The following TTN variants were observed in gnomAD, a reference collection of about 807,000 sequenced individuals.
The protein encoded by TTN is connectin.
A neutral mutation model predicts 3,223.0 loss-of-function variants in TTN; 1,525 were observed. That is an observed-to-expected ratio of 0.47 (90% CI 0.45 to 0.49). TTN has a LOEUF of 0.49. TTN is among the 20% of genes least tolerant of loss of function. The probability of loss-of-function intolerance (pLI) is 0.00; values close to 1 mark genes in which losing one functional copy is unlikely to be tolerated. For synonymous variants in TTN, 14,094 were observed against 15,161.0 expected (o/e 0.93, Z 5.17); for missense variants, 40,786 against 43,424.0 (o/e 0.94, Z 5.40).
chr2:178,795,361 G>C (rs1344105410), intron 6 of TTN, 109 bp from the exon 7 acceptor site: 5 of 1,002,582 alleles, frequency 5.0e-6, no homozygotes, highest in African/African-American at 1.6e-5. Flanking sequence ...TTTAAAATGT[G>C]TGCCTCCATA....
chr2:178,643,886 G>C (rs973318793), intron 218 of TTN, among the ~76,000 whole-genome samples: 9 of 151,818 alleles, frequency 5.9e-5, no homozygotes, highest in African/African-American at 2.2e-4. Flanking sequence ...GAAAAATTAT[G>C]TTTATTTTTG....
Position 178,704,204 on chromosome 2 carries a change from C to T in TTN, c.30166G>A (p.Gly10056Ser), listed in dbSNP as rs794729401. Residue 10056 changes from glycine to serine, a missense_variant, in exon 106 of 363, where the codon GGT becomes AGT. Coordinates refer to ENST00000589042, the MANE Select transcript of TTN (RefSeq NM_001267550.2). ...TIADVRAEDQ[G>S]QYTCKYEDLE... Reference sequence around the variant, plus strand: ...TCTTCATATTTGCAGGTGTACTGACCCTGGTCTTCTGCTCGAACATCTGCA... The same window carrying T: ...TCTTCATATTTGCAGGTGTACTGACTCTGGTCTTCTGCTCGAACATCTGCA... 6.2e-7 allele frequency: 1 copy of T among 1,613,946 alleles called. No individual in the cohort carries two copies. The highest frequency in any genetic ancestry group is 2.2e-5 in the East Asian group (1 of 44,880).
intron 288 of TTN, 144 bp downstream of exon 288, chr2:178,600,710 A>G: frequency 1.1e-6 from 1 of 914,702 alleles, no homozygotes; most frequent in Non-Finnish European, 1.8e-6. Context: ...AGGAATGAGT[A>G]ATTAAGTAAT....
rs376133574 is a variant in TTN, at chr2:178,784,351, C to G, written c.2494G>C (p.Ala832Pro). The G allele has an allele frequency of 2.5e-6, 4 of 1,613,968 alleles. No individual in the cohort carries two copies. The highest frequency in any genetic ancestry group is 1.1e-5 in the South Asian group (1 of 91,080). ...GCAATAGCACTACCGGCTATTGATG[C>G]CTACATGGAAACAGAGTCAGAAAAT... ...SVPKTEHGYE[A>P]SIAGSAIATL... Residue 832 changes from alanine to proline, a missense_variant and splice_region_variant, in exon 16 of 363, where the codon GCA becomes CCA. Ala to Pro is a conservative substitution (Grantham distance 27). Coordinates refer to ENST00000589042, the MANE Select transcript of TTN (RefSeq NM_001267550.2).
In TTN at chr2:178,557,119, A is replaced by C; in HGVS notation, c.88035T>G (p.Thr29345=). The change falls in exon 330 of 363, where the codon ACT becomes ACG. Residue 29345 remains threonine (T), a synonymous_variant. Transcript: ENST00000589042. ...ACEPPRNVRI[T]DISKNSVSLS... is the part of the protein sequence containing the mutation. ...GGCTGACAGAGTTCTTTGAAATATC[A>C]GTGATACGAACATTTCTTGGGGGTT... 1.2e-6 allele frequency: 2 copies of C among 1,613,632 alleles called. No homozygotes were observed. Among genetic ancestry groups the C allele is most frequent in the Non-Finnish European group, 1.7e-6 (2 of 1,179,744 alleles).
intron 47 of TTN, chr2:178,748,957 T>G (rs776161581): frequency 6.2e-7 from 1 of 1,612,460 alleles, no homozygotes; most frequent in African/African-American, 1.3e-5. Flanking sequence ...GATTAACAAT[T>G]GATGTTCTGG....
rs2058028450 is a variant in TTN, at chr2:178,620,002, C to G, written c.46415G>C (p.Arg15472Thr). The change falls in exon 249 of 363, where the codon AGA (arginine) becomes ACA (threonine). Residue 15472 changes from arginine to threonine, a missense_variant. By Grantham distance (71) the Arg-to-Thr change is moderately conservative (BLOSUM62 -1). Transcript: ENST00000589042. Reference protein sequence around the residue: ...CGVEDRKSRARLFVEEIPVEI... With the variant: ...CGVEDRKSRATLFVEEIPVEI... ...TTAATATGTACCTTCCACAAAAAGT[C>G]TAGCACGAGACTTCCTGTCTTCTAC... The G allele has an allele frequency of 5.6e-6, 9 of 1,610,150 alleles. No homozygotes were observed. In the African/African-American group the frequency reaches 6.7e-5, roughly 12 times the overall value.
intron 30 of TTN, 21 bp from the exon 31 acceptor site, chr2:178,774,131 A>G: frequency 6.2e-7 from 1 of 1,614,056 alleles, no homozygotes; most frequent in Admixed American, 1.7e-5. Context: ...TGGGGAGAAA[A>G]AGAATGTTAT....
chr2:178,734,296 A>G, intron 52 of TTN, 32 bp downstream of exon 52: 1 of 1,529,750 alleles, frequency 6.5e-7, no homozygotes, highest in Non-Finnish European at 8.7e-7. Flanking sequence ...TTGACAATTT[A>G]TTAAAGAGAC....
At chr2:178,603,400 TTC>T (rs1167593267) in intron 282 of TTN, among the ~76,000 whole-genome samples, 1 of 152,026 alleles carries the variant, frequency 6.6e-6, no homozygotes, top group Non-Finnish European at 1.5e-5. Flanking sequence ...AGAAGAATTT[TTC>T]TCTCTTATTT....
rs1415252331 is a variant in TTN at position 178,613,873 on chromosome 2, T to C, written c.49410A>G (p.Thr16470=). The change falls in exon 263 of 363, where the codon ACA becomes ACG. Residue 16470 remains threonine, a synonymous_variant. Coordinates refer to ENST00000589042, the MANE Select transcript of TTN (RefSeq NM_001267550.2). ...SDITKDAVTL[T]WCEPDDDGGS... is the part of the protein sequence containing the mutation. The stretch of plus-strand genomic sequence containing the variant: ...CACCATCATCATCTGGCTCACACCA[T>C]GTGAGAGTCACTGCGTCTTTAGTGA... 2 of 1,611,608 alleles carry C rather than the reference T, an allele frequency of 1.2e-6. No individual in the cohort carries two copies. The highest frequency in any genetic ancestry group is 1.7e-6 in the Non-Finnish European group (2 of 1,178,790).
intron 344 of TTN, among the ~76,000 whole-genome samples, 191 bp downstream of exon 344, chr2:178,545,197 A>G (rs1035575445): frequency 6.6e-6 from 1 of 152,210 alleles, no homozygotes; most frequent in Non-Finnish European, 1.5e-5. Flanking sequence ...TAGCAATTCT[A>G]ATTGCTAACT....
rs1706772581 is a variant in TTN, at chr2:178,568,376, C to G, written c.77756G>C (p.Gly25919Ala). 6.2e-7 allele frequency: 1 copy of G among 1,613,050 alleles called. No individual in the cohort carries two copies. The highest frequency in any genetic ancestry group is 1.1e-5 in the South Asian group (1 of 91,070). Residue 25919 changes from glycine (G) to alanine (A), a missense_variant, in exon 326 of 363, where the codon GGG (glycine) becomes GCG (alanine). Coordinates refer to ENST00000589042, the MANE Select transcript of TTN (RefSeq NM_001267550.2). ...TLSWNPPLYTGGCQITNYIVQ... is the reference protein window; with the variant it reads ...TLSWNPPLYTAGCQITNYIVQ... ...AATGTAGTTGGTGATTTGGCAGCCC[C>G]CTGTATATAATGGAGGGTTCCAAGA...
chr2:178,725,572 C>G lies in TTN; in HGVS notation c.20632G>C (p.Glu6878Gln), dbSNP rs755499713. 6.2e-7 allele frequency: 1 copy of G among 1,612,594 alleles called. No homozygotes were observed. Among genetic ancestry groups the G allele is most frequent in the Non-Finnish European group, 8.5e-7 (1 of 1,179,216 alleles). Residue 6878 changes from glutamate to glutamine, a missense_variant, in exon 71 of 363, where the codon GAA (glutamate) becomes CAA (glutamine). Glu to Gln is a conservative substitution (Grantham distance 29). Transcript: ENST00000589042. Reference protein sequence around the residue: ...GEPAELQASIEGAQPIFVQWL... With the variant: ...GEPAELQASIQGAQPIFVQWL... Reference sequence around the variant, plus strand: ...TGGACAAAAATAGGCTGGGCGCCTTCTATGGATGCTTGTAATTCAGCAGGC... The same window carrying G: ...TGGACAAAAATAGGCTGGGCGCCTTGTATGGATGCTTGTAATTCAGCAGGC...
intron 96 of TTN, 148 bp from the exon 97 acceptor site, chr2:178,711,497 A>G (rs529484654): frequency 9.6e-7 from 1 of 1,041,094 alleles, no homozygotes; most frequent in South Asian, 2.2e-5. Flanking sequence ...AGATAAAGAA[A>G]AGCATATAGA....
At chr2:178,747,242 G>A in intron 47 of TTN, 1 of 1,613,004 alleles carries the variant, frequency 6.2e-7, no homozygotes, top group African/African-American at 1.3e-5. Context: ...CCCTGGGGGT[G>A]TGGAGTATCT....
At position 178,685,280 on chromosome 2, in the gene TTN, T is replaced by C. The variant is rs1407344172; in HGVS notation, c.32443A>G (p.Lys10815Glu). Residue 10815 changes from lysine to glutamate, a missense_variant, in exon 129 of 363, where the codon AAA becomes GAA. Transcript: ENST00000589042. Reference protein sequence around the residue: ...KIVLKPKIPAKIEEPPPAKVP... With the variant: ...KIVLKPKIPAEIEEPPPAKVP... ...TTAGCCGGTGGAGGCTCCTCTATTTTAGCAGGAATTTTTGGTTTCAGTACA... is the reference window on the plus strand; with the variant it reads ...TTAGCCGGTGGAGGCTCCTCTATTTCAGCAGGAATTTTTGGTTTCAGTACA... The C allele has an allele frequency of 7.7e-6, 12 of 1,552,356 alleles. No individual in the cohort carries two copies. The East Asian group carries it at 9.7e-5, about 12-fold the overall frequency.
chr2:178,732,258 G>A lies in TTN; in HGVS notation c.16711C>T (p.Pro5571Ser), dbSNP rs566415754. ...TQLACKVTGT[P>S]PIKITWFAND... is the part of the protein sequence containing the mutation. ...GCAAACCATGTTATTTTAATTGGAG[G>A]GGTACCAGTTACTTTGCAGGCTAGC... The change falls in exon 57 of 363, where the codon CCT (proline) becomes TCT (serine). Residue 5571 changes from proline (P) to serine (S), a missense_variant. By Grantham distance (74) the Pro-to-Ser change is moderately conservative. Transcript: ENST00000589042. The A allele has an allele frequency of 6.2e-7, 1 of 1,613,744 alleles. No individual in the cohort carries two copies. Among genetic ancestry groups the A allele is most frequent in the South Asian group, 1.1e-5 (1 of 91,058 alleles).
In TTN at chr2:178,694,966, C is replaced by T. The variant is rs1403154071; in HGVS notation, c.31271-60G>A. 5 of 1,187,408 alleles carry T rather than the reference C, an allele frequency of 4.2e-6. No homozygotes were observed. The Admixed American group carries it at 6.4e-5, about 15-fold the overall frequency. 73.6% of individuals were successfully genotyped at this position (1,187,408 alleles called of 1,614,324 possible). On this transcript the variant is annotated intron_variant, in intron 115 of 362. Transcript: ENST00000589042. ...GAATTCCTATTAAAATTCTCTCTCT[C>T]TCTATCTCTCTCTCTCTGTGTATAT...
Sources: allele counts gnomAD v4.1 joint callset (sites outside exome capture counted in the v4.1 genomes callset), GRCh38; gene constraint gnomAD v4.1.1; transcripts MANE v1.5; gene names NCBI Gene and HGNC (gene_info 2026-07-23, HGNC 2026-07-21).